The following FNDC3B variants were observed in gnomAD, a reference collection of about 807,000 sequenced individuals.
The protein encoded by FNDC3B is fibronectin type III domain-containing protein 3B.
FNDC3B carries 12 observed loss-of-function variants against 151.5 expected under a neutral mutation model. The observed-to-expected ratio is 0.08, with a 90% CI of 0.05 to 0.13. The LOEUF (loss-of-function observed/expected upper bound fraction) is 0.13. Among genes scored for constraint, FNDC3B ranks in the 10% least tolerant of loss-of-function variants. The pLI is 1.00. For missense variants in FNDC3B, 1,214 were observed against 1,505.3 expected (o/e 0.81, Z 3.20); for synonymous variants, 528 against 549.0 (o/e 0.96, Z 0.54).
chr3:172,229,525 CT>C (rs1328286739), intron 4 of FNDC3B, among the ~76,000 whole-genome samples: 1 of 152,138 alleles, frequency 6.6e-6, no homozygotes, highest in Non-Finnish European at 1.5e-5. Context: ...CAATGTGACC[CT>C]TTTAGAACCT....
At position 172,177,626 on chromosome 3, in the gene FNDC3B, C is replaced by CTTTTTTTTTTTTTTTTTTTTTTT. The variant is rs10684671; in HGVS notation, c.187+44101_187+44102insTTTTTTTTTTTTTTTTTTTTTTT. 1.0e-3 allele frequency among the ~76,000 whole-genome samples: 86 copies of CTTTTTTTTTTTTTTTTTTTTTTT among 84,836 alleles called. 4 individuals are homozygous for CTTTTTTTTTTTTTTTTTTTTTTT. Among genetic ancestry groups the CTTTTTTTTTTTTTTTTTTTTTTT allele is most frequent in the African/African-American group, 3.5e-3 (72 of 20,528 alleles). 55.7% of individuals were successfully genotyped at this position (84,836 alleles called of 152,430 possible). On this transcript the variant is annotated intron_variant, in intron 3 of 25. Transcript: ENST00000415807. ...AGGAAGGAATCATTTTTACCACCAT[C>CTTTTTTTTTTTTTTTTTTTTTTT]TTTTTTTTTTTTTTTTTTTTTGCAC...
At chr3:172,141,590 C>G (rs1721633500) in intron 3 of FNDC3B, among the ~76,000 whole-genome samples, 1 of 152,220 alleles carries the variant, frequency 6.6e-6, no homozygotes, top group Non-Finnish European at 1.5e-5. Context: ...AATCCCGACA[C>G]TTTGGGAGGC....
intron 9 of FNDC3B, chr3:172,301,797 T>TA (rs1364262817): frequency 6.6e-6 from 1 of 152,104 alleles, no homozygotes; most frequent in Non-Finnish European, 1.5e-5. Flanking sequence ...GTTGAGGCTG[T>TA]AGTGAGCCCT....
intron 3 of FNDC3B, among the ~76,000 whole-genome samples, chr3:172,221,479 A>G (rs9855667): frequency 0.099 from 15,024 of 152,182 alleles, 1,400 homozygotes; most frequent in African/African-American, 0.25. Context: ...TCATTCTTGG[A>G]GGTTCCCTCT....
chr3:172,050,662 G>A (rs2108457666), intron 1 of FNDC3B, among the ~76,000 whole-genome samples: 1 of 151,826 alleles, frequency 6.6e-6, no homozygotes, highest in South Asian at 2.1e-4. Context: ...GGGATTACAG[G>A]CATGAGCCAC....
chr3:172,247,568 G>A lies in FNDC3B; in HGVS notation c.300G>A (p.Val100=). 6.2e-7 allele frequency: 1 copy of A among 1,613,932 alleles called. No homozygotes were observed. Among genetic ancestry groups the A allele is most frequent in the Non-Finnish European group, 8.5e-7 (1 of 1,179,882 alleles). Reference sequence around the variant, plus strand: ...ATAGTACTGGAGTCCGCCGGGTGGTGGTCACACCCCAGTCTCCTGAGTGTT... The same window carrying A: ...ATAGTACTGGAGTCCGCCGGGTGGTAGTCACACCCCAGTCTCCTGAGTGTT... ...IEDSTGVRRV[V]VTPQSPECYP... Residue 100 remains valine (V), a synonymous_variant, in exon 5 of 26, where the codon GTG becomes GTA. Coordinates refer to ENST00000415807, the MANE Select transcript of FNDC3B (RefSeq NM_022763.4).
At chr3:172,254,610 A>T (rs1261091821) in intron 6 of FNDC3B, among the ~76,000 whole-genome samples, 1 of 152,164 alleles carries the variant, frequency 6.6e-6, no homozygotes, top group Non-Finnish European at 1.5e-5. Context: ...CTTTTTGAAC[A>T]CACAAAGCTA....
chr3:172,183,934 T>C (rs1560006757), intron 3 of FNDC3B, among the ~76,000 whole-genome samples: 1 of 152,226 alleles, frequency 6.6e-6, no homozygotes, highest in African/African-American at 2.4e-5. Context: ...TAACTTTTAT[T>C]CATTTTTACT....
At chr3:172,314,472 G>A (rs2108259537) in intron 11 of FNDC3B, among the ~76,000 whole-genome samples, 2 of 152,310 alleles carry the variant, frequency 1.3e-5, no homozygotes, top group South Asian at 4.1e-4. Flanking sequence ...AGGTGAGGTT[G>A]CCTCATCTCC....
intron 2 of FNDC3B, among the ~76,000 whole-genome samples, chr3:172,133,185 T>C (rs1293890407): frequency 6.6e-6 from 1 of 152,240 alleles, no homozygotes; most frequent in Non-Finnish European, 1.5e-5. Flanking sequence ...TCTAAATTTG[T>C]GAAAGCGAAA....
intron 6 of FNDC3B, among the ~76,000 whole-genome samples, chr3:172,284,268 A>G (rs926896493): frequency 1.3e-5 from 2 of 152,170 alleles, no homozygotes; most frequent in Non-Finnish European, 2.9e-5. Context: ...TAAAGTTTTA[A>G]TGCGTTATGA....
intron 3 of FNDC3B, among the ~76,000 whole-genome samples, chr3:172,185,968 A>G (rs1396769576): frequency 2.0e-5 from 3 of 152,248 alleles, no homozygotes; most frequent in African/African-American, 7.2e-5. Flanking sequence ...ACTAAGATGT[A>G]GAAACCAGAT....
At chr3:172,124,017 C>T (rs544170002) in intron 2 of FNDC3B, among the ~76,000 whole-genome samples, 2 of 152,238 alleles carry the variant, frequency 1.3e-5, no homozygotes, top group South Asian at 4.1e-4. Context: ...CGGTCTCTTG[C>T]TTTCTCATTT....
chr3:172,162,769 G>T (rs1380282213), intron 3 of FNDC3B, among the ~76,000 whole-genome samples: 5 of 151,894 alleles, frequency 3.3e-5, no homozygotes, highest in Non-Finnish European at 7.4e-5. Flanking sequence ...AAGGAAGTAG[G>T]GTATGGTTAG....
At chr3:172,178,362 A>G (rs563177044) in intron 3 of FNDC3B, among the ~76,000 whole-genome samples, 63 of 152,318 alleles carry the variant, frequency 4.1e-4, no homozygotes, top group African/African-American at 1.5e-3. Flanking sequence ...TTTAAGGCCT[A>G]GGAGACATTT....
intron 2 of FNDC3B, among the ~76,000 whole-genome samples, chr3:172,130,052 G>T (rs1361396957): frequency 6.6e-6 from 1 of 152,074 alleles, no homozygotes; most frequent in Non-Finnish European, 1.5e-5. Flanking sequence ...GAAAGGTTAA[G>T]TGCCGGGAGT....
intron 1 of FNDC3B, among the ~76,000 whole-genome samples, chr3:172,064,817 C>T (rs1010453668): frequency 6.6e-6 from 1 of 152,250 alleles, no homozygotes; most frequent in East Asian, 1.9e-4. Context: ...TGATTTCATT[C>T]GTCATCACTG....
rs116059910 is a variant in FNDC3B at position 172,291,394 on chromosome 3, C to T, written c.850-3969C>T. Among the ~76,000 whole-genome samples the T allele has an allele frequency of 6.3e-3, 957 of 152,148 alleles. 10 individuals are homozygous for T. Among genetic ancestry groups the T allele is most frequent in the African/African-American group, 0.022 (924 of 41,486 alleles). On this transcript the variant is annotated intron_variant, in intron 7 of 25. Transcript: ENST00000415807. ...TGCAGACTTACACTAGTAACCTGTA[C>T]AACAGACCCTTTTATAGCAGTTATT...
chr3:172,218,089 T>C (rs994486032), intron 3 of FNDC3B, among the ~76,000 whole-genome samples: 8 of 146,486 alleles, frequency 5.5e-5, no homozygotes, highest in Middle Eastern at 3.6e-3. Context: ...TAGAAATTCT[T>C]GAAATAAAGC....
Sources: allele counts gnomAD v4.1 joint callset (sites outside exome capture counted in the v4.1 genomes callset), GRCh38; gene constraint gnomAD v4.1.1; transcripts MANE v1.5; gene names NCBI Gene and HGNC (gene_info 2026-07-23, HGNC 2026-07-21).